Variants in EGLN1 observed in about 807,000 individuals in gnomAD.
EGLN1 encodes the protein egl-9 family hypoxia inducible factor 1.
A neutral mutation model predicts 38.3 loss-of-function variants in EGLN1; 17 were observed. The ratio of observed to expected loss-of-function variants is 0.44; its 90% CI spans 0.30 to 0.67. The LOEUF (loss-of-function observed/expected upper bound fraction) is 0.67. Ranked by LOEUF, EGLN1 falls within the 30% of genes least tolerant of loss-of-function variation. EGLN1 has a pLI of 0.08. For missense variants in EGLN1, 477 were observed against 603.3 expected (o/e 0.79, Z 2.19); for synonymous variants, 283 against 257.5 (o/e 1.10, Z -0.95).
chr1:231,388,650 T>TTTG (rs71567068), intron 1 of EGLN1, among the ~76,000 whole-genome samples: 9 of 150,798 alleles, frequency 6.0e-5, no homozygotes, highest in African/African-American at 2.0e-4. Context: ...TTTTTGGTTT[T>TTTG]TTGTTGTTGT....
chr1:231,420,305 C>G (rs566042916), intron 1 of EGLN1: 1 of 152,288 alleles, frequency 6.6e-6, no homozygotes, highest in Non-Finnish European at 1.5e-5. Context: ...ATAAAGGAAA[C>G]TGGTGCTAAA....
At position 231,391,092 on chromosome 1, in the gene EGLN1, T is replaced by TTTTGTGTG. The variant is rs1553353098; in HGVS notation, c.892-16994_892-16993insCACACAAA. Among the ~76,000 whole-genome samples the TTTTGTGTG allele has an allele frequency of 2.9e-3, 194 of 67,330 alleles. 24 individuals are homozygous for TTTTGTGTG. Among genetic ancestry groups the TTTTGTGTG allele is most frequent in the African/African-American group, 8.8e-3 (185 of 21,030 alleles). 44.2% of individuals were successfully genotyped at this position (67,330 alleles called of 152,430 possible). On this transcript the variant is annotated intron_variant, in intron 1 of 4. Coordinates refer to ENST00000366641, the MANE Select transcript of EGLN1 (RefSeq NM_022051.3). Reference sequence around the variant, plus strand: ...ACAGGGAACTCATTCTGTTTTTTTTTTGTGTGTGTGTGTGTGTGTGTGTGT... The same window carrying TTTTGTGTG: ...ACAGGGAACTCATTCTGTTTTTTTTTTTTGTGTGTGTGTGTGTGTGTGTGTGTGTGTGT...
At chr1:231,376,552 G>A (rs1010910623) in intron 1 of EGLN1, among the ~76,000 whole-genome samples, 1 of 152,032 alleles carries the variant, frequency 6.6e-6, no homozygotes, top group African/African-American at 2.4e-5. Context: ...AAAAAATATA[G>A]TATATTAGGA....
intron 1 of EGLN1, among the ~76,000 whole-genome samples, chr1:231,403,795 T>C (rs1351390183): frequency 7.0e-6 from 1 of 142,574 alleles, no homozygotes; most frequent in African/African-American, 2.7e-5. Context: ...AAAAAAAAGA[T>C]TTTTACAGTT....
At chr1:231,369,416 T>G in intron 3 of EGLN1, 1 of 193,514 alleles carries the variant, frequency 5.2e-6, no homozygotes, top group Non-Finnish European at 9.5e-6. Context: ...GGAAGGTCTA[T>G]GAGGCAGTTA....
rs763596301 is a variant in EGLN1 at position 231,366,427 on chromosome 1, C to A, written c.1265G>T (p.Gly422Val). ...VELNKPSDSV[G>V]KDVF ...TCAAAGGCTCTAGAAGACGTCTTTA[C>A]CGACCGAATCTGAAGGTTTATTGAG... Residue 422 changes from glycine to valine, a missense_variant, in exon 5 of 5, where the codon GGT (glycine) becomes GTT (valine). Around this residue, in one of 4 missense-constraint regions of EGLN1, gnomAD observed 59 missense variants for 119.0 expected, o/e 0.50. Transcript: ENST00000366641. 2.0e-5 allele frequency: 32 copies of A among 1,613,826 alleles called. No individual in the cohort carries two copies. In the South Asian group the frequency reaches 3.0e-4, roughly 15 times the overall value.
At chr1:231,385,128 C>T (rs973253) in intron 1 of EGLN1, among the ~76,000 whole-genome samples, 82,708 of 152,074 alleles carry the variant, frequency 0.54, 24,177 homozygotes, top group Non-Finnish European at 0.65. Context: ...TCCAGAAAGA[C>T]TGGTATGAGA....
chr1:231,413,870 A>C (rs1171420162), intron 1 of EGLN1, among the ~76,000 whole-genome samples: 2 of 150,638 alleles, frequency 1.3e-5, no homozygotes, highest in African/African-American at 5.0e-5. Context: ...GAGAATTCCA[A>C]ACTCATGAAA....
chr1:231,412,415 A>G (rs1303372401), intron 1 of EGLN1, among the ~76,000 whole-genome samples: 1 of 152,244 alleles, frequency 6.6e-6, no homozygotes, highest in African/African-American at 2.4e-5. Flanking sequence ...ATCTAAATCT[A>G]TGCTTCCCTT....
chr1:231,390,258 G>A (rs1179371964), intron 1 of EGLN1, among the ~76,000 whole-genome samples: 4 of 152,216 alleles, frequency 2.6e-5, no homozygotes, highest in African/African-American at 4.8e-5. Flanking sequence ...CTTCAGCGCT[G>A]TTTCCTCACT....
intron 1 of EGLN1, among the ~76,000 whole-genome samples, chr1:231,380,177 CAGAG>C (rs1280664650): frequency 1.3e-5 from 2 of 152,090 alleles, no homozygotes; most frequent in African/African-American, 4.8e-5. Context: ...GAGAAGAGAA[CAGAG>C]AACAGATTGT....
intron 3 of EGLN1, chr1:231,369,496 A>T: frequency 1.2e-6 from 1 of 862,710 alleles, no homozygotes; most frequent in Non-Finnish European, 1.4e-6. Context: ...GGGAAGAGAC[A>T]TGGGATTGAA....
At chr1:231,403,923 G>A (rs889189947) in intron 1 of EGLN1, among the ~76,000 whole-genome samples, 2 of 151,518 alleles carry the variant, frequency 1.3e-5, no homozygotes, top group South Asian at 4.2e-4. Flanking sequence ...TACATACCTA[G>A]ATATTATATA....
chr1:231,414,442 C>T (rs1241898779), intron 1 of EGLN1, among the ~76,000 whole-genome samples: 4 of 152,154 alleles, frequency 2.6e-5, no homozygotes, highest in Non-Finnish European at 5.9e-5. Flanking sequence ...GAAAGGAAAA[C>T]AGGAGTAAAC....
intron 1 of EGLN1, among the ~76,000 whole-genome samples, chr1:231,380,551 A>C (rs1159409936): frequency 6.6e-6 from 1 of 152,132 alleles, no homozygotes. Flanking sequence ...TGTGATCAAC[A>C]ATAGTTTTGG....
At chr1:231,415,001 T>C (rs1689040344) in intron 1 of EGLN1, among the ~76,000 whole-genome samples, 1 of 152,040 alleles carries the variant, frequency 6.6e-6, no homozygotes. Context: ...CCCAAAGTGC[T>C]AGGATTACAG....
chr1:231,403,019 T>A (rs1299423127), intron 1 of EGLN1, among the ~76,000 whole-genome samples: 2 of 152,172 alleles, frequency 1.3e-5, no homozygotes, highest in Non-Finnish European at 2.9e-5. Context: ...TATTTAGAAA[T>A]TCGCTGTTTA....
At chr1:231,375,566 G>C (rs969621370) in intron 1 of EGLN1, among the ~76,000 whole-genome samples, 2 of 152,174 alleles carry the variant, frequency 1.3e-5, no homozygotes, top group African/African-American at 4.8e-5. Context: ...TAGACACTCT[G>C]AATTCACTGC....
At chr1:231,413,608 C>T (rs887391182) in intron 1 of EGLN1, among the ~76,000 whole-genome samples, 6 of 152,104 alleles carry the variant, frequency 3.9e-5, no homozygotes, top group Non-Finnish European at 8.8e-5. Flanking sequence ...TGTTTATTGA[C>T]TGTCCCTCCC....
Sources: gnomAD v4.1 joint callset for allele counts (sites outside exome capture counted in the v4.1 genomes callset) on GRCh38, gnomAD v4.1.1 for gene constraint, gnomAD v4.1.1 regional missense constraint, MANE v1.5 for transcripts, NCBI Gene and HGNC (gene_info 2026-07-23, HGNC 2026-07-21) for gene names.